Variants in STAU2 observed in about 807,000 individuals in gnomAD.
The protein encoded by STAU2 is staufen double-stranded RNA binding protein 2.
A neutral mutation model predicts 65.9 loss-of-function variants in STAU2; 20 were observed. The observed-to-expected ratio is 0.30, with a 90% CI of 0.21 to 0.44. The LOEUF (loss-of-function observed/expected upper bound fraction) is 0.44. Among genes scored for constraint, STAU2 ranks in the 20% least tolerant of loss-of-function variants. The pLI is 1.00. For synonymous variants in STAU2, 232 were observed against 233.9 expected (o/e 0.99, Z 0.07); for missense variants, 558 against 683.9 (o/e 0.82, Z 2.05).
At chr8:73,613,626 T>C (rs1196985991) in intron 9 of STAU2, 118 bp downstream of exon 9, 1 of 722,050 alleles carries the variant, frequency 1.4e-6, no homozygotes, top group Non-Finnish European at 2.2e-6. Flanking sequence ...CCTGCCCTCA[T>C]TTCAGGACTG....
intron 13 of STAU2, among the ~76,000 whole-genome samples, chr8:73,478,872 T>C (rs947318709): frequency 1.4e-4 from 21 of 152,164 alleles, no homozygotes; most frequent in Non-Finnish European, 3.1e-4. Flanking sequence ...GATAGACAGA[T>C]AGATGGTTGA....
intron 13 of STAU2, among the ~76,000 whole-genome samples, chr8:73,442,465 A>G (rs766776731): frequency 1.3e-5 from 2 of 152,352 alleles, no homozygotes; most frequent in East Asian, 3.9e-4. Flanking sequence ...CCTCATTAAG[A>G]CAATTTAACC....
intron 12 of STAU2, among the ~76,000 whole-genome samples, chr8:73,553,026 T>C (rs1484263982): frequency 6.6e-6 from 1 of 152,204 alleles, no homozygotes; most frequent in African/African-American, 2.4e-5. Flanking sequence ...TTGTAGGGAT[T>C]ATCTAGTGCA....
intron 6 of STAU2, chr8:73,669,205 T>C (rs1586233746): frequency 9.1e-6 from 6 of 662,042 alleles, no homozygotes; most frequent in East Asian, 5.4e-5. Context: ...AGCTTTTCAG[T>C]TGAAACATGG....
chr8:73,642,178 C>T (rs901970678), intron 6 of STAU2, among the ~76,000 whole-genome samples: 3 of 152,170 alleles, frequency 2.0e-5, no homozygotes, highest in African/African-American at 4.8e-5. Context: ...ACCACTCTTG[C>T]CTTTCTCCTA....
chr8:73,722,715 A>C (rs895821850), intron 3 of STAU2, among the ~76,000 whole-genome samples: 1 of 152,124 alleles, frequency 6.6e-6, no homozygotes, highest in Non-Finnish European at 1.5e-5. Flanking sequence ...GCTTTCAACA[A>C]TTTGATTATA....
chr8:73,487,929 T>A (rs1485191950), intron 13 of STAU2, among the ~76,000 whole-genome samples: 3 of 152,110 alleles, frequency 2.0e-5, no homozygotes, highest in Non-Finnish European at 4.4e-5. Flanking sequence ...GAATCCGTGA[T>A]TCTGAAATAC....
chr8:73,692,358 G>C (rs193078107), intron 4 of STAU2, among the ~76,000 whole-genome samples: 5 of 151,868 alleles, frequency 3.3e-5, no homozygotes, highest in African/African-American at 1.2e-4. Context: ...CCACCATGCC[G>C]GGCTAATTTT....
chr8:73,744,811 A>C (rs1807160177), intron 1 of STAU2, among the ~76,000 whole-genome samples: 1 of 152,210 alleles, frequency 6.6e-6, no homozygotes, highest in Admixed American at 6.5e-5. Context: ...TAAATACATA[A>C]AATGTTAACA....
intron 3 of STAU2, among the ~76,000 whole-genome samples, chr8:73,710,433 T>C (rs1820812815): frequency 6.6e-6 from 1 of 151,652 alleles, no homozygotes; most frequent in South Asian, 2.1e-4. Context: ...GTCTGTGCTT[T>C]TTACGTCTTG....
intron 13 of STAU2, among the ~76,000 whole-genome samples, chr8:73,544,228 C>T (rs546094158): frequency 4.6e-5 from 7 of 152,174 alleles, no homozygotes; most frequent in Non-Finnish European, 4.4e-5. Flanking sequence ...TACCCTAGAT[C>T]CACTCCTCCA....
At chr8:73,481,516 C>CAAAAAAAAAAAAAAA (rs33917654) in intron 13 of STAU2, among the ~76,000 whole-genome samples, 1 of 137,636 alleles carries the variant, frequency 7.3e-6, no homozygotes, top group African/African-American at 2.8e-5. Flanking sequence ...AACAAAAAAA[C>CAAAAAAAAAAAAAAA]AAAAAAAAAA....
intron 11 of STAU2, among the ~76,000 whole-genome samples, chr8:73,592,661 C>T (rs1372429212): frequency 1.3e-5 from 2 of 152,114 alleles, no homozygotes; most frequent in Non-Finnish European, 2.9e-5. Flanking sequence ...GAGAGCAAGA[C>T]CAGCCCAGCC....
Position 73,692,788 on chromosome 8 carries a change from A to T in STAU2, c.115-3975T>A, listed in dbSNP as rs192290959. ...TAGTGTCAGAATTTAGTTAAATAGT[A>T]GGACATCCAGTCAATGTATGGGGAC... is the stretch of plus-strand genomic sequence containing the variant. On this transcript the variant is annotated intron_variant, in intron 4 of 14. Transcript: ENST00000524300. Among the ~76,000 whole-genome samples, 496 of 152,334 alleles carry T rather than the reference A, an allele frequency of 3.3e-3. 1 individual carries two copies. Among genetic ancestry groups the T allele is most frequent in the Non-Finnish European group, 5.0e-3 (342 of 68,030 alleles).
intron 6 of STAU2, among the ~76,000 whole-genome samples, chr8:73,659,315 A>G (rs1816645551): frequency 6.6e-6 from 1 of 152,202 alleles, no homozygotes; most frequent in Non-Finnish European, 1.5e-5. Context: ...AGGCGGGCAG[A>G]TCACCTGAGG....
At chr8:73,466,852 A>C (rs1819683073) in intron 13 of STAU2, among the ~76,000 whole-genome samples, 1 of 152,174 alleles carries the variant, frequency 6.6e-6, no homozygotes, top group Admixed American at 6.5e-5. Flanking sequence ...GGATACACAG[A>C]CGGTTGTGGC....
At chr8:73,727,226 T>C (rs1563532669) in intron 3 of STAU2, among the ~76,000 whole-genome samples, 1 of 152,026 alleles carries the variant, frequency 6.6e-6, no homozygotes, top group African/African-American at 2.4e-5. Flanking sequence ...GGAGACTACA[T>C]CTCAAAAAAA....
intron 13 of STAU2, among the ~76,000 whole-genome samples, chr8:73,462,095 T>C (rs1819385078): frequency 6.6e-6 from 1 of 152,194 alleles, no homozygotes; most frequent in African/African-American, 2.4e-5. Context: ...ATTTGTTTTT[T>C]TGAGGCAGAG....
chr8:73,420,511 T>C lies in STAU2; in HGVS notation c.*861A>G, dbSNP rs553923636. 248 of 237,470 alleles carry C rather than the reference T, an allele frequency of 1.0e-3. 2 individuals are homozygous for C. Among genetic ancestry groups the C allele is most frequent in the African/African-American group, 5.2e-3 (236 of 45,272 alleles). The allele number at this position is 237,470 out of a possible 1,614,324, so 14.7% of individuals were successfully genotyped here. A position where few individuals can be genotyped will look rare whatever the true frequency, so the allele number is the denominator to read the frequency against. ...GTACATTATTTATTTTTGATCCTAC[T>C]CACTGTCCCAAGTCCAGAGGCAGTT... On this transcript the variant is annotated 3_prime_UTR_variant, in exon 15 of 15. Transcript: ENST00000524300.
Sources: allele counts gnomAD v4.1 joint callset (sites outside exome capture counted in the v4.1 genomes callset), GRCh38; gene constraint gnomAD v4.1.1; transcripts MANE v1.5; gene names NCBI Gene and HGNC (gene_info 2026-07-23, HGNC 2026-07-21).